The following PARD3B variants were observed in gnomAD, a reference collection of about 807,000 sequenced individuals.
PARD3B encodes par-3 family cell polarity regulator beta.
In PARD3B, 103 loss-of-function variants were observed where a neutral mutation model predicts 130.2. The observed-to-expected ratio is 0.79, with a 90% CI of 0.67 to 0.93. PARD3B has a LOEUF of 0.93. Ranked by LOEUF, PARD3B falls within the 40% of genes least tolerant of loss-of-function variation. PARD3B has a pLI of 0.00. For missense variants in PARD3B, 1,609 were observed against 1,499.2 expected, an observed-to-expected ratio of 1.07 and a Z score of -1.21; for synonymous variants, 583 against 553.2, an observed-to-expected ratio of 1.05 and a Z score of -0.76.
Position 204,967,253 on chromosome 2 carries a change from C to T in PARD3B, c.394+1930C>T, listed in dbSNP as rs951551767. ...ACCATTTGGCCTGAAACCTTGGCATCACCTCCAGTTCCACCGTTTCCTTCT... is the reference window on the plus strand; with the variant it reads ...ACCATTTGGCCTGAAACCTTGGCATTACCTCCAGTTCCACCGTTTCCTTCT... On this transcript the variant is annotated intron_variant, in intron 3 of 22. Coordinates refer to ENST00000406610, the MANE Select transcript of PARD3B (RefSeq NM_001302769.2). The surrounding 1 kb of genome is among the most constrained non-coding windows in gnomAD (Gnocchi z 4.4). Among the ~76,000 whole-genome samples the T allele has an allele frequency of 2.0e-5, 3 of 152,186 alleles. No individual in the cohort carries two copies. Among genetic ancestry groups the T allele is most frequent in the Admixed American group, 6.5e-5 (1 of 15,272 alleles).
chr2:205,304,062 C>T (rs915662901), intron 18 of PARD3B, among the ~76,000 whole-genome samples: 1 of 152,184 alleles, frequency 6.6e-6, no homozygotes, highest in African/African-American at 2.4e-5. Context: ...CAATTGTTCT[C>T]ATTTTGTGAT....
At chr2:204,859,331 G>C (rs543553686) in intron 2 of PARD3B, among the ~76,000 whole-genome samples, 1 of 152,222 alleles carries the variant, frequency 6.6e-6, no homozygotes, top group Admixed American at 6.5e-5. Flanking sequence ...GAGTATAAAA[G>C]TAGATTATGT....
Position 205,611,444 on chromosome 2 carries a change from T to C in PARD3B, c.3261-4012T>C, listed in dbSNP as rs1219205351. On this transcript the variant is annotated intron_variant, in intron 22 of 22. Transcript: ENST00000406610. ...TTTTGCTTAATGAAAAATACTGACA[T>C]ACTGACATGGCAAAAAGAAGAAATC... Among the ~76,000 whole-genome samples, 3 of 152,222 alleles carry C rather than the reference T, an allele frequency of 2.0e-5. No homozygotes were observed. In the East Asian group the frequency reaches 5.8e-4, roughly 29 times the overall value.
At chr2:205,434,165 T>G (rs1431608907) in intron 19 of PARD3B, among the ~76,000 whole-genome samples, 1 of 152,206 alleles carries the variant, frequency 6.6e-6, no homozygotes, top group Non-Finnish European at 1.5e-5. Context: ...CCAACATTTG[T>G]TTTTGTCATT....
At chr2:205,441,877 T>G (rs769507867) in intron 20 of PARD3B, among the ~76,000 whole-genome samples, 1 of 152,188 alleles carries the variant, frequency 6.6e-6, no homozygotes, top group Non-Finnish European at 1.5e-5. Context: ...GATGGTGAAG[T>G]TTTTCTTTGG....
intron 1 of PARD3B, among the ~76,000 whole-genome samples, chr2:204,570,692 G>A (rs2031944058): frequency 1.3e-5 from 2 of 151,952 alleles, no homozygotes; most frequent in Admixed American, 1.3e-4. Flanking sequence ...GTTCAAACAG[G>A]TAAGCTGTTG....
chr2:205,445,851 C>T (rs565190690), intron 20 of PARD3B, among the ~76,000 whole-genome samples: 1 of 152,276 alleles, frequency 6.6e-6, no homozygotes, highest in South Asian at 2.1e-4. Flanking sequence ...TCCAAGATGC[C>T]ATTTTTTATT....
intron 18 of PARD3B, among the ~76,000 whole-genome samples, chr2:205,342,396 T>C (rs550724671): frequency 1.3e-5 from 2 of 152,312 alleles, no homozygotes; most frequent in African/African-American, 4.8e-5. Flanking sequence ...AGCTTCCAAA[T>C]ATCTCAGAGC....
At chr2:204,747,015 C>T (rs1448325171) in intron 2 of PARD3B, among the ~76,000 whole-genome samples, 2 of 152,108 alleles carry the variant, frequency 1.3e-5, no homozygotes, top group Non-Finnish European at 2.9e-5. Context: ...GCTTTTGTTG[C>T]CATTGCTTTT....
In PARD3B at chr2:205,113,507, G is replaced by A; in HGVS notation, c.610G>A (p.Val204Met). ...CTGCCCCAGTGATATGACAAGAACA[G>A]TGGAGATTTCTGGGGAAGGAGGCCC... ...KDTLSDMTRT[V>M]EISGEGGPLG... Residue 204 changes from valine to methionine, a missense_variant, in exon 6 of 23, where the codon GTG becomes ATG. Val to Met is a conservative substitution (Grantham distance 21, BLOSUM62 1). Coordinates refer to ENST00000406610, the MANE Select transcript of PARD3B (RefSeq NM_001302769.2). The A allele has an allele frequency of 6.2e-7, 1 of 1,613,284 alleles. No homozygotes were observed. The highest frequency in any genetic ancestry group is 1.7e-4 in the Middle Eastern group (1 of 6,058).
Position 204,737,268 on chromosome 2 carries a change from T to G in PARD3B, c.222+50986T>G, listed in dbSNP as rs116099230. ...CATGAGCCACTGCGTCCCACTGACT[T>G]TTTAATCGTGGCCATTCTTGCAGGA... On this transcript the variant is annotated intron_variant, in intron 2 of 22. Coordinates refer to ENST00000406610, the MANE Select transcript of PARD3B (RefSeq NM_001302769.2). 6.9e-3 allele frequency among the ~76,000 whole-genome samples: 1,053 copies of G among 152,292 alleles called. 16 individuals carry two copies. The highest frequency in any genetic ancestry group is 0.023 in the African/African-American group (960 of 41,572).
intron 5 of PARD3B, among the ~76,000 whole-genome samples, chr2:205,110,042 A>G (rs1374344541): frequency 6.6e-6 from 1 of 152,082 alleles, no homozygotes; most frequent in Non-Finnish European, 1.5e-5. Context: ...CAGACTCCTG[A>G]CTCAAAAGTT....
At chr2:205,196,305 C>T (rs1020756768) in intron 15 of PARD3B, among the ~76,000 whole-genome samples, 2 of 152,100 alleles carry the variant, frequency 1.3e-5, no homozygotes, top group African/African-American at 4.8e-5. Flanking sequence ...GGAATGTGGG[C>T]TTCATTGGCA....
intron 2 of PARD3B, among the ~76,000 whole-genome samples, chr2:204,783,629 C>T (rs941990326): frequency 6.6e-6 from 1 of 152,106 alleles, no homozygotes; most frequent in Non-Finnish European, 1.5e-5. Flanking sequence ...AAGAACATTA[C>T]TTTTGCATCA....
intron 1 of PARD3B, among the ~76,000 whole-genome samples, chr2:204,586,330 G>A (rs2032823745): frequency 6.6e-6 from 1 of 152,158 alleles, no homozygotes; most frequent in Non-Finnish European, 1.5e-5. Context: ...CAGTATCAGT[G>A]TTTAGTATTA....
chr2:205,045,883 T>C (rs1698743917), intron 3 of PARD3B, among the ~76,000 whole-genome samples: 1 of 152,160 alleles, frequency 6.6e-6, no homozygotes, highest in South Asian at 2.1e-4. Context: ...TGTTCACTTC[T>C]GTGCCTCTAA....
intron 2 of PARD3B, among the ~76,000 whole-genome samples, chr2:204,821,281 T>G (rs1448513404): frequency 6.6e-6 from 1 of 151,974 alleles, no homozygotes; most frequent in Admixed American, 6.6e-5. Flanking sequence ...TCTGATAGTT[T>G]TAAAAATGGG....
At chr2:205,445,662 A>T (rs895147748) in intron 20 of PARD3B, among the ~76,000 whole-genome samples, 6 of 152,208 alleles carry the variant, frequency 3.9e-5, no homozygotes, top group African/African-American at 1.4e-4. Flanking sequence ...ACAATTTGAC[A>T]TGAAATTTAG....
At position 204,636,453 on chromosome 2, in the gene PARD3B, AGTGTGTGTGTGTGT is replaced by A. The variant is rs10596741; in HGVS notation, c.121-49704_121-49691del. Among the ~76,000 whole-genome samples the A allele has an allele frequency of 2.4e-4, 33 of 139,486 alleles. No individual in the cohort carries two copies. In the East Asian group the frequency reaches 4.2e-3, roughly 18 times the overall value. 91.5% of individuals were successfully genotyped at this position (139,486 alleles called of 152,430 possible). On this transcript the variant is annotated intron_variant, in intron 1 of 22. Coordinates refer to ENST00000406610, the MANE Select transcript of PARD3B (RefSeq NM_001302769.2). The stretch of plus-strand genomic sequence containing the variant: ...GAGCTAAGACTTTAGAGGTCAGGTG[AGTGTGTGTGTGTGT>A]GTGTGTGTGTGTGTGTGTGTGTGCA...
Sources: allele counts gnomAD v4.1 joint callset (sites outside exome capture counted in the v4.1 genomes callset), GRCh38; gene constraint gnomAD v4.1.1; non-coding constraint Gnocchi (gnomAD v3.1); transcripts MANE v1.5; gene names NCBI Gene and HGNC (gene_info 2026-07-23, HGNC 2026-07-21).